Variants in BOD1L1 observed in about 807,000 individuals in gnomAD.
The protein encoded by BOD1L1 is biorientation of chromosomes in cell division protein 1-like 1.
In BOD1L1, 86 loss-of-function variants were observed where a neutral mutation model predicts 240.7. The ratio of observed to expected loss-of-function variants is 0.36; its 90% CI spans 0.30 to 0.43. BOD1L1 has a LOEUF of 0.43. BOD1L1 is among the 20% of genes least tolerant of loss of function. The pLI, the probability that BOD1L1 is intolerant of heterozygous loss-of-function variation, is 1.00. For synonymous variants in BOD1L1, 1,268 were observed against 1,272.3 expected (o/e 1.00, Z 0.07); for missense variants, 3,554 against 3,643.5 (o/e 0.98, Z 0.63).
intron 25 of BOD1L1, among the ~76,000 whole-genome samples, chr4:13,574,130 A>C (rs560979289): frequency 4.6e-5 from 7 of 152,374 alleles, no homozygotes; most frequent in Admixed American, 4.6e-4. Flanking sequence ...ACTAGAATCA[A>C]GAGTAGAAGC....
chr4:13,599,454 C>A lies in BOD1L1; in HGVS notation c.7446G>T (p.Gly2482=). ...CTGAATAACTTGCTGTGCTACTGCC[C>A]CCTGCTGTCCCTGTCTCTGGGCTCT... ...EDKSPETGTA[G]GSSTASYSAG... is the part of the protein sequence containing the mutation. The change falls in exon 10 of 26, where the codon GGG becomes GGT. Residue 2482 remains glycine, a synonymous_variant. Transcript: ENST00000040738. The A allele has an allele frequency of 6.2e-7, 1 of 1,613,976 alleles. No homozygotes were observed.
intron 17 of BOD1L1, 129 bp downstream of exon 17, chr4:13,586,267 T>A (rs1247849826): frequency 4.3e-6 from 2 of 467,126 alleles, no homozygotes; most frequent in African/African-American, 4.0e-5. Flanking sequence ...TATAATAAAG[T>A]GATTATTATT....
rs1716304388 is a variant in BOD1L1 at position 13,613,015 on chromosome 4, C to T, written c.1324+497G>A. Reference sequence around the variant, plus strand: ...GTCTGAAACTTTCCTGGACTCTGCCCTGTGTGCCTCTTCCCTTGGCTGATT... The same window carrying T: ...GTCTGAAACTTTCCTGGACTCTGCCTTGTGTGCCTCTTCCCTTGGCTGATT... On this transcript the variant is annotated intron_variant, in intron 5 of 25. Transcript: ENST00000040738. This position sits in a 1 kb window ranked among gnomAD's most constrained non-coding sequence, Gnocchi z 4.0. 1.3e-5 allele frequency among the ~76,000 whole-genome samples: 2 copies of T among 152,182 alleles called. No individual in the cohort carries two copies. The highest frequency in any genetic ancestry group is 4.8e-5 in the African/African-American group (2 of 41,446).
At position 13,600,635 on chromosome 4, in the gene BOD1L1, T is replaced by C. The variant is rs1011293511; in HGVS notation, c.6265A>G (p.Thr2089Ala). ...NDYTPQVSAITDVEGGLSDAL... is the reference protein window; with the variant it reads ...NDYTPQVSAIADVEGGLSDAL... ...TCTGAGAGACCTCCTTCCACATCTG[T>C]AATTGCGCTTACCTGAGGGGTGTAA... The change falls in exon 10 of 26, where the codon ACA becomes GCA. Residue 2089 changes from threonine to alanine, a missense_variant. Transcript: ENST00000040738. 4 of 1,613,800 alleles carry C rather than the reference T, an allele frequency of 2.5e-6. No homozygotes were observed. In the African/African-American group the frequency reaches 5.3e-5, roughly 22 times the overall value.
chr4:13,606,313 C>T (rs1035780244), intron 9 of BOD1L1, among the ~76,000 whole-genome samples: 1 of 151,990 alleles, frequency 6.6e-6, no homozygotes, highest in Admixed American at 6.6e-5. Flanking sequence ...GTCATTAAGC[C>T]ATCACTATAT....
intron 2 of BOD1L1, 133 bp downstream of exon 2, chr4:13,619,810 G>T: frequency 1.7e-6 from 2 of 1,165,694 alleles, no homozygotes; most frequent in Admixed American, 3.0e-5. Flanking sequence ...TACATCACAC[G>T]AAATAGCCAC....
chr4:13,573,749 C>A lies in BOD1L1; in HGVS notation c.9038+3089G>T, dbSNP rs1295223422. On this transcript the variant is annotated intron_variant, in intron 25 of 25. Coordinates refer to ENST00000040738, the MANE Select transcript of BOD1L1 (RefSeq NM_148894.3). ...ATATTGGCAAGGCTGGTCTTGAACACCCGGCCTTAAGTGAGCCACCAGCCT... is the reference window on the plus strand; with the variant it reads ...ATATTGGCAAGGCTGGTCTTGAACAACCGGCCTTAAGTGAGCCACCAGCCT... Among the ~76,000 whole-genome samples the A allele has an allele frequency of 5.3e-5, 8 of 152,162 alleles. No individual in the cohort carries two copies. The South Asian group carries it at 1.7e-3, about 31-fold the overall frequency.
chr4:13,603,079 T>A lies in BOD1L1; in HGVS notation c.3821A>T (p.His1274Leu), dbSNP rs1460278813. 6.2e-7 allele frequency: 1 copy of A among 1,614,010 alleles called. No individual in the cohort carries two copies. The highest frequency in any genetic ancestry group is 1.6e-4 in the Middle Eastern group (1 of 6,062). ...TGGTGAGGAGTCTAAATTTGTGGAA[T>A]GTTCAAGAGTGGCATCTCCTTGAGC... ...HVAQGDATLE[H>L]STNLDSSPSL... Residue 1274 changes from histidine (H) to leucine (L), a missense_variant, in exon 10 of 26, where the codon CAT (histidine) becomes CTT (leucine). Coordinates refer to ENST00000040738, the MANE Select transcript of BOD1L1 (RefSeq NM_148894.3).
rs1410853582 is a variant in BOD1L1, at chr4:13,604,846, A to T, written c.2054T>A (p.Ile685Asn). ...CTGTTTCTGGGGCTCTTCGGTGCAAATTTCTGAGCGTTCTACTTGCCTTTT... is the reference window on the plus strand; with the variant it reads ...CTGTTTCTGGGGCTCTTCGGTGCAATTTTCTGAGCGTTCTACTTGCCTTTT... ...DVKRQVERSE[I>N]CTEEPQKQKS... The change falls in exon 10 of 26, where the codon ATT (isoleucine) becomes AAT (asparagine). Residue 685 changes from isoleucine (I) to asparagine (N), a missense_variant. Physicochemically the swap from Ile to Asn is moderately radical, Grantham distance 149. This residue lies in a region of BOD1L1 where 3,393 missense variants were observed against 3,427.1 expected (regional missense o/e 0.99). Coordinates refer to ENST00000040738, the MANE Select transcript of BOD1L1 (RefSeq NM_148894.3). The T allele has an allele frequency of 6.2e-7, 1 of 1,611,212 alleles. No individual in the cohort carries two copies. Among genetic ancestry groups the T allele is most frequent in the African/African-American group, 1.3e-5 (1 of 74,526 alleles).
At chr4:13,598,446 C>G (rs753801688) in intron 10 of BOD1L1, among the ~76,000 whole-genome samples, 11 of 152,086 alleles carry the variant, frequency 7.2e-5, no homozygotes, top group Non-Finnish European at 1.3e-4. Context: ...TTTTATACAA[C>G]AAGAAATGGA....
chr4:13,588,615 T>G, intron 15 of BOD1L1, 107 bp downstream of exon 15: 1 of 837,274 alleles, frequency 1.2e-6, no homozygotes, highest in South Asian at 1.8e-5. Flanking sequence ...TATACCCATT[T>G]AATATTTAAT....
At position 13,609,414 on chromosome 4, in the gene BOD1L1, C is replaced by A; in HGVS notation, c.1492-8G>T. On this transcript the variant is annotated splice_region_variant and splice_polypyrimidine_tract_variant and intron_variant, in intron 6 of 25. Coordinates refer to ENST00000040738, the MANE Select transcript of BOD1L1 (RefSeq NM_148894.3). ...CTCTTCTTTTTCTTTGGCCTAAAAC[C>A]ACAAAATACCCTAACAGATTATTAG... is the stretch of plus-strand genomic sequence containing the variant. 1 of 1,472,840 alleles carries A rather than the reference C, an allele frequency of 6.8e-7. No homozygotes were observed. Among genetic ancestry groups the A allele is most frequent in the African/African-American group, 1.4e-5 (1 of 69,476 alleles). The allele number at this position is 1,472,840 out of a possible 1,614,324, so 91.2% of individuals were successfully genotyped here. A position where few individuals can be genotyped will look rare whatever the true frequency, so the allele number is the denominator to read the frequency against.
Position 13,614,211 on chromosome 4 carries a change from C to T in BOD1L1, c.1159G>A (p.Glu387Lys). ...EKNSNKAKTV[E>K]GTKEDFSLID... ...TTTTATATACCTTCTTTTGTCCCTT[C>T]AACAGTTTTAGCTTTATTACTGTTC... Residue 387 changes from glutamate (E) to lysine (K), a missense_variant, in exon 4 of 26, where the codon GAA becomes AAA. Glu to Lys is a moderately conservative substitution (Grantham distance 56, BLOSUM62 1). Transcript: ENST00000040738. The T allele has an allele frequency of 2.7e-6, 4 of 1,508,798 alleles. No homozygotes were observed. The highest frequency in any genetic ancestry group is 3.5e-6 in the Non-Finnish European group (4 of 1,133,074). The allele number at this position is 1,508,798 out of a possible 1,614,324, so 93.5% of individuals were successfully genotyped here. A position where few individuals can be genotyped will look rare whatever the true frequency, so the allele number is the denominator to read the frequency against.
chr4:13,585,116 T>C (rs1330204511), intron 17 of BOD1L1, among the ~76,000 whole-genome samples: 3 of 152,216 alleles, frequency 2.0e-5, no homozygotes, highest in African/African-American at 4.8e-5. Flanking sequence ...CTCAGGATTT[T>C]TGATTTTGGA....
At chr4:13,617,263 A>G (rs1469305584) in intron 2 of BOD1L1, among the ~76,000 whole-genome samples, 1 of 144,520 alleles carries the variant, frequency 6.9e-6, no homozygotes. Flanking sequence ...AAAAAAATAG[A>G]AAATAGAAAA....
intron 1 of BOD1L1, among the ~76,000 whole-genome samples, chr4:13,620,676 G>C (rs1284801795): frequency 6.6e-6 from 1 of 152,228 alleles, no homozygotes; most frequent in African/African-American, 2.4e-5. Context: ...CATATGGGCA[G>C]AGTGATAGAA....
chr4:13,610,867 C>T, intron 6 of BOD1L1, 67 bp downstream of exon 6: 1 of 1,369,412 alleles, frequency 7.3e-7, no homozygotes, highest in Non-Finnish European at 1.0e-6. Context: ...CAGTACCTTG[C>T]AGATAGACTA....
rs1717277704 is a variant in BOD1L1 at position 13,624,880 on chromosome 4, G to T, written c.243+2465C>A. The T allele has an allele frequency of 2.0e-5, 3 of 152,230 alleles. No individual in the cohort carries two copies. In the South Asian group the frequency reaches 6.2e-4, roughly 31 times the overall value. 9.4% of individuals were successfully genotyped at this position (152,230 alleles called of 1,614,324 possible). A position where few individuals can be genotyped will look rare whatever the true frequency, so the allele number is the denominator to read the frequency against. ...ACAAGTTAAGACTTTTTGACAGAAA[G>T]CAGGTCAGTCTTTGAGGTTCAAGTG... is the stretch of plus-strand genomic sequence containing the variant. On this transcript the variant is annotated intron_variant, in intron 1 of 25. Coordinates refer to ENST00000040738, the MANE Select transcript of BOD1L1 (RefSeq NM_148894.3).
intron 25 of BOD1L1, among the ~76,000 whole-genome samples, chr4:13,575,746 C>G (rs1199498334): frequency 6.6e-6 from 1 of 152,110 alleles, no homozygotes; most frequent in Non-Finnish European, 1.5e-5. Flanking sequence ...AGTTATGTAC[C>G]ATTTCTCAAA....
Sources: allele counts gnomAD v4.1 joint callset (sites outside exome capture counted in the v4.1 genomes callset), GRCh38; gene constraint gnomAD v4.1.1; regional missense constraint gnomAD v4.1.1; non-coding constraint Gnocchi (gnomAD v3.1); transcripts MANE v1.5; gene names NCBI Gene and HGNC (gene_info 2026-07-23, HGNC 2026-07-21).